The following ZNF573 variants were observed in gnomAD, a reference collection of about 807,000 sequenced individuals.
The protein encoded by ZNF573 is zinc finger protein 573.
Under a neutral mutation model 57.4 loss-of-function variants are expected in ZNF573, and 41 were observed. The ratio of observed to expected loss-of-function variants is 0.71; its 90% CI spans 0.56 to 0.93. The LOEUF (loss-of-function observed/expected upper bound fraction) is 0.93, where lower values mean the gene tolerates loss of function less well. Among genes scored for constraint, ZNF573 ranks in the 40% least tolerant of loss-of-function variants. The pLI is 0.00. For synonymous variants in ZNF573, 249 were observed against 261.0 expected, an observed-to-expected ratio of 0.95 and a Z score of 0.44; for missense variants, 730 against 794.8, an observed-to-expected ratio of 0.92 and a Z score of 0.98.
In ZNF573 at chr19:37,739,164, A is replaced by G. The variant is rs779404892; in HGVS notation, c.1326T>C (p.Phe442=). 2 of 1,613,084 alleles carry G rather than the reference A, an allele frequency of 1.2e-6. No homozygotes were observed. The highest frequency in any genetic ancestry group is 1.7e-6 in the Non-Finnish European group (2 of 1,179,782). The change falls in exon 5 of 5, where the codon TTT becomes TTC. Residue 442 remains phenylalanine (F), a synonymous_variant. Coordinates refer to ENST00000536220, the MANE Select transcript of ZNF573 (RefSeq NM_001172690.2). The part of the protein sequence containing the change: ...HQKIHTGMKH[F]ECKECKKTFT... ...AGGTTTTTTTACACTCCTTACATTCAAAGTGTTTCATGCCAGTATGAATTT... is the reference window on the plus strand; with the variant it reads ...AGGTTTTTTTACACTCCTTACATTCGAAGTGTTTCATGCCAGTATGAATTT...
At chr19:37,753,604 TC>T (rs1212404839) in intron 4 of ZNF573, among the ~76,000 whole-genome samples, 1 of 152,126 alleles carries the variant, frequency 6.6e-6, no homozygotes, top group Non-Finnish European at 1.5e-5. Flanking sequence ...AAGATATTAC[TC>T]CAGAAAAGTT....
chr19:37,752,692 T>C (rs909156350), intron 4 of ZNF573, among the ~76,000 whole-genome samples: 5 of 152,146 alleles, frequency 3.3e-5, no homozygotes, highest in Non-Finnish European at 5.9e-5. Flanking sequence ...TGGAGTACAG[T>C]GGCATGATCA....
chr19:37,752,055 TAG>T (rs1210852457), intron 4 of ZNF573, among the ~76,000 whole-genome samples: 3 of 151,432 alleles, frequency 2.0e-5, no homozygotes, highest in African/African-American at 4.9e-5. Flanking sequence ...GTACAGTATA[TAG>T]ACAGAAAGAC....
intron 4 of ZNF573, among the ~76,000 whole-genome samples, chr19:37,752,983 G>C (rs1219457543): frequency 6.6e-6 from 1 of 152,000 alleles, no homozygotes; most frequent in East Asian, 1.9e-4. Flanking sequence ...GGCTGGGTGT[G>C]GTAACTCATG....
At position 37,739,977 on chromosome 19, in the gene ZNF573, A is replaced by G; in HGVS notation, c.513T>C (p.Phe171=). The change falls in exon 5 of 5, where the codon TTT becomes TTC. Residue 171 remains phenylalanine, a synonymous_variant. Transcript: ENST00000536220. ...GTAGAGTAAGTTGATAGCCACTACGAAAGTTCTTCCCACACTCTTTGCATT... is the reference window on the plus strand; with the variant it reads ...GTAGAGTAAGTTGATAGCCACTACGGAAGTTCTTCCCACACTCTTTGCATT... ...PYECKECGKN[F]RSGYQLTLHQ... is the part of the protein sequence containing the mutation. The G allele has an allele frequency of 1.9e-6, 3 of 1,614,204 alleles. No homozygotes were observed. The highest frequency in any genetic ancestry group is 2.5e-6 in the Non-Finnish European group (3 of 1,180,034).
chr19:37,741,239 CTGTT>C (rs1445514194), intron 4 of ZNF573, among the ~76,000 whole-genome samples: 6 of 151,510 alleles, frequency 4.0e-5, no homozygotes, highest in Admixed American at 2.6e-4. Context: ...CTTTATCTGT[CTGTT>C]TATCTATCTA....
At chr19:37,756,636 T>A (rs1312447240) in intron 4 of ZNF573, among the ~76,000 whole-genome samples, 1 of 152,178 alleles carries the variant, frequency 6.6e-6, no homozygotes, top group Non-Finnish European at 1.5e-5. Flanking sequence ...TTATAATGGC[T>A]CTTTGCATTC....
chr19:37,755,825 G>T (rs1487758175), intron 4 of ZNF573, among the ~76,000 whole-genome samples: 2 of 119,804 alleles, frequency 1.7e-5, no homozygotes, highest in Non-Finnish European at 3.8e-5. Flanking sequence ...ACTGCAAAAT[G>T]GTTCTTCGCA....
intron 4 of ZNF573, among the ~76,000 whole-genome samples, chr19:37,741,192 G>T (rs929737127): frequency 1.3e-5 from 2 of 152,100 alleles, no homozygotes; most frequent in Non-Finnish European, 2.9e-5. Flanking sequence ...TCTTTCTTTA[G>T]AAAGGCAGTA....
intron 4 of ZNF573, among the ~76,000 whole-genome samples, chr19:37,769,195 C>T (rs994925539): frequency 6.7e-6 from 1 of 148,232 alleles, no homozygotes. Flanking sequence ...GTCTTGAACT[C>T]CTGACCTCCT....
intron 4 of ZNF573, among the ~76,000 whole-genome samples, chr19:37,756,532 C>A (rs1281309585): frequency 6.6e-6 from 1 of 152,114 alleles, no homozygotes; most frequent in Non-Finnish European, 1.5e-5. Flanking sequence ...CACTAGAGGT[C>A]TCTGTGGAAT....
chr19:37,755,194 TC>T (rs1198576309), intron 4 of ZNF573: 1 of 152,188 alleles, frequency 6.6e-6, no homozygotes, highest in Non-Finnish European at 1.5e-5. Flanking sequence ...GGTCTCGATC[TC>T]CTTACCTCGT....
intron 4 of ZNF573, among the ~76,000 whole-genome samples, chr19:37,751,928 CCG>C (rs1568418371): frequency 7.5e-5 from 4 of 53,492 alleles, no homozygotes; most frequent in African/African-American, 1.9e-4. Context: ...GTACATAGTA[CCG>C]TATATATACT....
At chr19:37,765,978 T>C (rs541977751) in intron 4 of ZNF573, among the ~76,000 whole-genome samples, 10 of 151,604 alleles carry the variant, frequency 6.6e-5, no homozygotes, top group African/African-American at 2.4e-4. Context: ...AGGTGGAGGT[T>C]GCAATGAGCC....
chr19:37,765,449 G>A (rs2045592863), intron 4 of ZNF573, among the ~76,000 whole-genome samples: 1 of 151,756 alleles, frequency 6.6e-6, no homozygotes, highest in Non-Finnish European at 1.5e-5. Context: ...GGTGGCTCAT[G>A]ACTGTAATCC....
At chr19:37,754,978 TA>T (rs979163636) in intron 4 of ZNF573, among the ~76,000 whole-genome samples, 3 of 152,142 alleles carry the variant, frequency 2.0e-5, no homozygotes, top group African/African-American at 7.2e-5. Flanking sequence ...CTATTTTATT[TA>T]TTTTTTTTGA....
At chr19:37,764,968 T>G (rs1284603079) in intron 4 of ZNF573, among the ~76,000 whole-genome samples, 2 of 146,324 alleles carry the variant, frequency 1.4e-5, no homozygotes, top group South Asian at 4.4e-4. Context: ...TGCAGTGGCA[T>G]GATCTCTGTT....
intron 4 of ZNF573, among the ~76,000 whole-genome samples, chr19:37,760,673 T>TACAAAAA (rs2045543086): frequency 1.3e-5 from 2 of 151,250 alleles, no homozygotes; most frequent in African/African-American, 4.9e-5. Context: ...AATACAAAAA[T>TACAAAAA]TAGCCAGGCA....
intron 4 of ZNF573, among the ~76,000 whole-genome samples, chr19:37,758,817 T>A (rs1040503303): frequency 6.6e-6 from 1 of 152,068 alleles, no homozygotes; most frequent in Non-Finnish European, 1.5e-5. Context: ...AGGAAGTATA[T>A]GAAAAATATC....
Sources: allele counts gnomAD v4.1 joint callset (sites outside exome capture counted in the v4.1 genomes callset), GRCh38; gene constraint gnomAD v4.1.1; transcripts MANE v1.5; gene names NCBI Gene and HGNC (gene_info 2026-07-23, HGNC 2026-07-21).